RERE: variants seen among roughly 807,000 people sequenced by gnomAD.
RERE encodes the protein arginine-glutamic acid dipeptide repeats.
RERE carries 40 observed loss-of-function variants against 146.1 expected under a neutral mutation model. The ratio of observed to expected loss-of-function variants is 0.27; its 90% CI spans 0.21 to 0.36. RERE has a LOEUF of 0.36. Among genes scored for constraint, RERE ranks in the 10% least tolerant of loss-of-function variants. RERE has a pLI of 1.00. For synonymous variants in RERE, 1,003 were observed against 866.0 expected (o/e 1.16, Z -2.78); for missense variants, 1,933 against 2,138.7 (o/e 0.90, Z 1.90).
chr1:8,612,653 G>A (rs1275715673), intron 4 of RERE, among the ~76,000 whole-genome samples: 1 of 152,110 alleles, frequency 6.6e-6, no homozygotes, highest in Non-Finnish European at 1.5e-5. Context: ...TTCCTGTTGA[G>A]TATTACAGTA....
intron 7 of RERE, among the ~76,000 whole-genome samples, chr1:8,511,288 A>G (rs1645332221): frequency 6.6e-6 from 1 of 152,212 alleles, no homozygotes. Flanking sequence ...TTAAGTTTAT[A>G]ACAGGGAAGA....
intron 4 of RERE, among the ~76,000 whole-genome samples, chr1:8,567,274 T>C (rs1476880941): frequency 1.3e-5 from 2 of 152,172 alleles, no homozygotes; most frequent in Non-Finnish European, 1.5e-5. Flanking sequence ...AACATCAGCA[T>C]CTGGGTCTGT....
intron 2 of RERE, among the ~76,000 whole-genome samples, chr1:8,638,259 T>G (rs1647126834): frequency 6.6e-6 from 1 of 152,218 alleles, no homozygotes; most frequent in South Asian, 2.1e-4. Flanking sequence ...ATGTGGAATA[T>G]AAACATTATT....
chr1:8,437,041 G>A (rs1644179114), intron 11 of RERE, among the ~76,000 whole-genome samples: 1 of 152,114 alleles, frequency 6.6e-6, no homozygotes, highest in African/African-American at 2.4e-5. Flanking sequence ...CATGGGCAAC[G>A]ATATCATAAA....
intron 1 of RERE, among the ~76,000 whole-genome samples, chr1:8,687,446 G>C (rs1202842761): frequency 6.6e-6 from 1 of 152,202 alleles, no homozygotes; most frequent in Non-Finnish European, 1.5e-5. Flanking sequence ...CTGCATAAGT[G>C]AATGGACTTG....
At chr1:8,707,611 T>G (rs1367970758) in intron 1 of RERE, among the ~76,000 whole-genome samples, 1 of 152,214 alleles carries the variant, frequency 6.6e-6, no homozygotes, top group Non-Finnish European at 1.5e-5. Context: ...ACTATCAAGT[T>G]ACCTGAGACA....
At position 8,587,092 on chromosome 1, in the gene RERE, C is replaced by A. The variant is rs549045915; in HGVS notation, c.522+27469G>T. 2.4e-4 allele frequency among the ~76,000 whole-genome samples: 37 copies of A among 152,310 alleles called. No homozygotes were observed. In the East Asian group the frequency reaches 6.4e-3, roughly 26 times the overall value. ...TTCCCAGCCTCTAGGTCTGAAAAGC[C>A]TTAAAGGAGTCCTCATTTCCCTCCT... On this transcript the variant is annotated intron_variant, in intron 4 of 22. Coordinates refer to ENST00000400908, the MANE Select transcript of RERE (RefSeq NM_001042681.2).
chr1:8,621,811 T>A (rs1267615839), intron 3 of RERE, among the ~76,000 whole-genome samples: 2 of 152,202 alleles, frequency 1.3e-5, no homozygotes, highest in African/African-American at 4.8e-5. Context: ...CTTTTACCCT[T>A]ATAGCTTCAG....
chr1:8,807,629 C>T (rs1248247473), intron 1 of RERE, among the ~76,000 whole-genome samples: 2 of 152,234 alleles, frequency 1.3e-5, no homozygotes, highest in East Asian at 3.9e-4. Context: ...TGATTGAACC[C>T]TGTGTACAAC....
At chr1:8,806,973 G>A (rs762998332) in intron 1 of RERE, 21 of 152,172 alleles carry the variant, frequency 1.4e-4, no homozygotes, top group Non-Finnish European at 2.8e-4. Context: ...CACTGATGGT[G>A]GGTCAGTTTT....
intron 1 of RERE, among the ~76,000 whole-genome samples, chr1:8,687,373 A>C (rs1639114264): frequency 6.6e-6 from 1 of 152,228 alleles, no homozygotes; most frequent in African/African-American, 2.4e-5. Flanking sequence ...GCAAGTAGGA[A>C]GCCCACCATG....
At chr1:8,704,189 A>T (rs1261935132) in intron 1 of RERE, among the ~76,000 whole-genome samples, 3 of 152,176 alleles carry the variant, frequency 2.0e-5, no homozygotes, top group Non-Finnish European at 4.4e-5. Flanking sequence ...CCCACCCACA[A>T]TTAATTCTGG....
chr1:8,680,512 A>T (rs529328468), intron 1 of RERE, among the ~76,000 whole-genome samples: 2 of 152,324 alleles, frequency 1.3e-5, no homozygotes, highest in South Asian at 4.1e-4. Context: ...CTGACAACAG[A>T]AAGAAGCAAT....
Position 8,361,838 on chromosome 1 carries a change from G to T in RERE, c.1941C>A (p.Asn647Lys). ...KEEASSPLKS[N>K]KRQREKVASD... ...AGGCCACCTTCTCCCGCTGGCGTTT[G>T]TTACTCTTAAGAGGGGAAGAGGCTT... The change falls in exon 17 of 23, where the codon AAC (asparagine) becomes AAA (lysine). Residue 647 changes from asparagine to lysine, a missense_variant. By Grantham distance (94) the Asn-to-Lys change is moderately conservative (BLOSUM62 0). This residue lies in a region of RERE where 1,255 missense variants were observed against 1,153.8 expected (regional missense o/e 1.09). Coordinates refer to ENST00000400908, the MANE Select transcript of RERE (RefSeq NM_001042681.2). 1.2e-6 allele frequency: 2 copies of T among 1,614,078 alleles called. No homozygotes were observed. The highest frequency in any genetic ancestry group is 3.3e-5 in the Admixed American group (2 of 60,028).
At chr1:8,641,120 A>C (rs1353999263) in intron 2 of RERE, among the ~76,000 whole-genome samples, 1 of 152,214 alleles carries the variant, frequency 6.6e-6, no homozygotes, top group African/African-American at 2.4e-5. Flanking sequence ...CAATATCTGG[A>C]AAGATGACAA....
At chr1:8,358,128 A>G (rs1641370772) in intron 20 of RERE, 68 bp downstream of exon 20, 2 of 1,525,042 alleles carry the variant, frequency 1.3e-6, no homozygotes, top group South Asian at 2.5e-5. Context: ...CTGGATGGTG[A>G]CTGTCACTCA....
intron 1 of RERE, among the ~76,000 whole-genome samples, chr1:8,777,492 C>T (rs916236436): frequency 3.3e-5 from 5 of 150,252 alleles, no homozygotes; most frequent in African/African-American, 1.2e-4. Flanking sequence ...TAAAAGAAGA[C>T]AGTAGTTTGA....
intron 12 of RERE, among the ~76,000 whole-genome samples, chr1:8,390,187 A>T (rs1642836066): frequency 6.6e-6 from 1 of 152,316 alleles, no homozygotes; most frequent in South Asian, 2.1e-4. Context: ...ATCTGAACCC[A>T]GAGGCATCCT....
intron 1 of RERE, among the ~76,000 whole-genome samples, chr1:8,736,976 T>C (rs1367908577): frequency 6.6e-6 from 1 of 152,184 alleles, no homozygotes; most frequent in Non-Finnish European, 1.5e-5. Context: ...TTAACTCTTC[T>C]TTCTGAAAAA....
Sources: gnomAD v4.1 joint callset for allele counts (sites outside exome capture counted in the v4.1 genomes callset) on GRCh38, gnomAD v4.1.1 for gene constraint, gnomAD v4.1.1 regional missense constraint, MANE v1.5 for transcripts, NCBI Gene and HGNC (gene_info 2026-07-23, HGNC 2026-07-21) for gene names.